The following ABCC6 variants were observed in gnomAD, a reference collection of about 807,000 sequenced individuals.
ABCC6 encodes ATP binding cassette subfamily C member 6.
ABCC6 carries 126 observed loss-of-function variants against 169.5 expected under a neutral mutation model. The observed-to-expected ratio is 0.74, with a 90% confidence interval of 0.64 to 0.86. The LOEUF is 0.86. Among genes scored for constraint, ABCC6 ranks in the 40% least tolerant of loss-of-function variants. The pLI is 0.00. For synonymous variants in ABCC6, 752 were observed against 814.7 expected (o/e 0.92, Z 1.31); for missense variants, 1,733 against 1,927.2 (o/e 0.90, Z 1.89).
intron 9 of ABCC6, among the ~76,000 whole-genome samples, chr16:16,198,409 C>T (rs988909398): frequency 1.3e-5 from 2 of 152,174 alleles, no homozygotes; most frequent in Non-Finnish European, 2.9e-5. Context: ...ATAACATGCA[C>T]GAAAACACCA....
chr16:16,171,837 TG>T (rs2047084015), intron 21 of ABCC6, among the ~76,000 whole-genome samples: 1 of 140,248 alleles, frequency 7.1e-6, no homozygotes, highest in African/African-American at 2.7e-5. Flanking sequence ...GATAAATGAG[TG>T]GGTGGGATGG....
At chr16:16,161,758 T>A (rs1205191795) in intron 24 of ABCC6, among the ~76,000 whole-genome samples, 194 bp from the exon 25 acceptor site, 1 of 152,194 alleles carries the variant, frequency 6.6e-6, no homozygotes, top group Non-Finnish European at 1.5e-5. Context: ...CTTTAGGGTC[T>A]GGGGTACACT....
intron 20 of ABCC6, 21 bp downstream of exon 20, chr16:16,175,890 G>A: frequency 1.2e-6 from 2 of 1,613,870 alleles, no homozygotes; most frequent in South Asian, 1.1e-5. Flanking sequence ...CCTTCTGAGT[G>A]TGGCACCATG....
chr16:16,170,349 C>T (rs540446571), intron 21 of ABCC6, among the ~76,000 whole-genome samples: 1 of 152,262 alleles, frequency 6.6e-6, no homozygotes, highest in African/African-American at 2.4e-5. Context: ...ATCCTCCCTC[C>T]TCGGCCTTCC....
At chr16:16,203,635 G>T in intron 7 of ABCC6, 22 bp from the exon 8 acceptor site, 2 of 1,613,256 alleles carry the variant, frequency 1.2e-6, no homozygotes, top group South Asian at 1.1e-5. Flanking sequence ...GGAGAGATTA[G>T]CTCTGGGTCC....
chr16:16,196,210 A>AT (rs1491301495), intron 10 of ABCC6, among the ~76,000 whole-genome samples: 1 of 3,900 alleles, frequency 2.6e-4, no homozygotes, highest in Non-Finnish European at 4.1e-4. Context: ...ACTCTGTCTC[A>AT]AAAAAAAAAA....
chr16:16,176,084 C>T, intron 19 of ABCC6, 98 bp from the exon 20 acceptor site: 1 of 1,216,452 alleles, frequency 8.2e-7, no homozygotes, highest in East Asian at 2.4e-5. Context: ...CATCCATTTC[C>T]CCTGATCTGG....
chr16:16,198,660 G>A (rs1052472609), intron 9 of ABCC6, among the ~76,000 whole-genome samples: 2 of 151,320 alleles, frequency 1.3e-5, no homozygotes, highest in Non-Finnish European at 2.9e-5. Context: ...ACCAGCCCGC[G>A]CGACATAGTA....
At chr16:16,214,911 G>T (rs1196445457) in intron 4 of ABCC6, among the ~76,000 whole-genome samples, 3 of 152,154 alleles carry the variant, frequency 2.0e-5, no homozygotes, top group African/African-American at 7.2e-5. Context: ...TGCCCAGCAG[G>T]TCCTAATTTT....
chr16:16,189,061 T>A, intron 12 of ABCC6, 87 bp from the exon 13 acceptor site: 1 of 1,484,194 alleles, frequency 6.7e-7, no homozygotes, highest in Non-Finnish European at 9.3e-7. Context: ...GCCTGCACGG[T>A]CCATGTGGCC....
intron 20 of ABCC6, among the ~76,000 whole-genome samples, chr16:16,175,668 C>A (rs1054666527): frequency 2.0e-5 from 3 of 152,238 alleles, no homozygotes; most frequent in Non-Finnish European, 2.9e-5. Flanking sequence ...TTGAAGACAT[C>A]CATCAATTGG....
intron 14 of ABCC6, among the ~76,000 whole-genome samples, chr16:16,186,446 CAG>C (rs2047655689): frequency 6.6e-6 from 1 of 151,858 alleles, no homozygotes; most frequent in Non-Finnish European, 1.5e-5. Flanking sequence ...GGCAGGTGAG[CAG>C]AGTGTCATCT....
intron 10 of ABCC6, among the ~76,000 whole-genome samples, chr16:16,195,188 C>T (rs373736744): frequency 1.3e-5 from 2 of 152,052 alleles, no homozygotes; most frequent in Non-Finnish European, 2.9e-5. Flanking sequence ...AGTGTCCACT[C>T]CTCCTTCACC....
intron 15 of ABCC6, chr16:16,184,225 AAAGAAC>A: frequency 4.5e-6 from 1 of 221,744 alleles, no homozygotes; most frequent in South Asian, 4.5e-5. Context: ...AAAAAAAAAA[AAAGAAC>A]AGCTCTTCTC....
At chr16:16,156,914 G>C (rs2046568145) in intron 27 of ABCC6, among the ~76,000 whole-genome samples, 1 of 138,346 alleles carries the variant, frequency 7.2e-6, no homozygotes, top group South Asian at 2.3e-4. Flanking sequence ...CTGCACTCCA[G>C]CCTGGGCAAC....
At position 16,177,457 on chromosome 16, in the gene ABCC6, TCTC is replaced by T; in HGVS notation, c.2582_2584del (p.Gly861del). 3.1e-6 allele frequency: 5 copies of T among 1,614,060 alleles called. No individual in the cohort carries two copies. The highest frequency in any genetic ancestry group is 3.4e-6 in the Non-Finnish European group (4 of 1,180,026). On this transcript the variant is annotated inframe_deletion, in exon 19 of 31. Transcript: ENST00000205557. ...CAGCAAAGCCCACCTAGTACCTCCT[TCTC>T]CTCTATCTCCTGGCTGTCTGGCTTG...
At chr16:16,198,237 G>T in intron 9 of ABCC6, 55 bp from the exon 10 acceptor site, 7 of 1,539,980 alleles carry the variant, frequency 4.5e-6, no homozygotes, top group Non-Finnish European at 6.2e-6. Flanking sequence ...GCAGAGGGAT[G>T]CCCCAGGTGG....
chr16:16,188,097 TA>T (rs961357001), intron 13 of ABCC6, among the ~76,000 whole-genome samples: 1 of 149,550 alleles, frequency 6.7e-6, no homozygotes, highest in African/African-American at 2.5e-5. Context: ...AATAAATAAA[TA>T]AGACTGGGTG....
chr16:16,150,819 ATGG>A (rs2046366475), intron 29 of ABCC6, 47 bp from the exon 30 acceptor site: 1 of 1,598,018 alleles, frequency 6.3e-7, no homozygotes, highest in African/African-American at 1.3e-5. Flanking sequence ...TTGTCGGCAC[ATGG>A]TGATGTGTGG....
Sources: gnomAD v4.1 joint callset for allele counts (sites outside exome capture counted in the v4.1 genomes callset) on GRCh38, gnomAD v4.1.1 for gene constraint, MANE v1.5 for transcripts, NCBI Gene and HGNC (gene_info 2026-07-23, HGNC 2026-07-21) for gene names.